Variants in TMEM266 observed in about 807,000 individuals in gnomAD.
The protein encoded by TMEM266 is Hv1 related protein 1.
A neutral mutation model predicts 50.5 loss-of-function variants in TMEM266; 33 were observed. The ratio of observed to expected loss-of-function variants is 0.65; its 90% CI spans 0.50 to 0.87. TMEM266 has a LOEUF of 0.87. Ranked by LOEUF, TMEM266 falls within the 40% of genes least tolerant of loss-of-function variation. The probability of loss-of-function intolerance (pLI) is 0.00; values close to 1 mark genes in which losing one functional copy is unlikely to be tolerated. For synonymous variants in TMEM266, 310 were observed against 292.3 expected (o/e 1.06, Z -0.62); for missense variants, 655 against 695.1 (o/e 0.94, Z 0.65).
chr15:76,138,222 CAAAAAAAAAAAAAA>C (rs376580547), intron 3 of TMEM266, among the ~76,000 whole-genome samples: 1 of 71,882 alleles, frequency 1.4e-5, no homozygotes, highest in Non-Finnish European at 2.7e-5. Context: ...AACTCTGTCT[CAAAAAAAAAAAAAA>C]AAAAAAAAAA....
At chr15:76,081,227 A>G (rs569652846) in intron 1 of TMEM266, among the ~76,000 whole-genome samples, 1 of 152,316 alleles carries the variant, frequency 6.6e-6, no homozygotes, top group African/African-American at 2.4e-5. Flanking sequence ...CTCCCATGCT[A>G]TTGACTATGG....
Position 76,171,142 on chromosome 15 carries a change from C to G in TMEM266, c.652+11C>G. Reference sequence around the variant, plus strand: ...AGAGGGTCATTGATGGTGAGTGGCCCGAGGGGGGTGTGGTCAGTGGGGCTG... The same window carrying G: ...AGAGGGTCATTGATGGTGAGTGGCCGGAGGGGGGTGTGGTCAGTGGGGCTG... On this transcript the variant is annotated intron_variant, in intron 7 of 10. Transcript: ENST00000388942. 1 of 1,612,660 alleles carries G rather than the reference C, an allele frequency of 6.2e-7. No individual in the cohort carries two copies. The highest frequency in any genetic ancestry group is 8.5e-7 in the Non-Finnish European group (1 of 1,179,196).
At chr15:76,106,829 T>C (rs1186356494) in intron 1 of TMEM266, among the ~76,000 whole-genome samples, 1 of 152,224 alleles carries the variant, frequency 6.6e-6, no homozygotes, top group Non-Finnish European at 1.5e-5. Context: ...CACATACTTA[T>C]TTTGTGTGTG....
In TMEM266 at chr15:76,161,768, T is replaced by G. The variant is rs2038021762; in HGVS notation, c.456+1600T>G. On this transcript the variant is annotated intron_variant, in intron 5 of 10. Transcript: ENST00000388942. The surrounding 1 kb of genome is among the most constrained non-coding windows in gnomAD (Gnocchi z 4.1). Reference sequence around the variant, plus strand: ...AGAGCAGAGTGCCTGCTCCCCAGCTTACAGCCCCCATGTGGGTCTTGCCCT... The same window carrying G: ...AGAGCAGAGTGCCTGCTCCCCAGCTGACAGCCCCCATGTGGGTCTTGCCCT... Among the ~76,000 whole-genome samples, 1 of 152,140 alleles carries G rather than the reference T, an allele frequency of 6.6e-6. No individual in the cohort carries two copies. Among genetic ancestry groups the G allele is most frequent in the Non-Finnish European group, 1.5e-5 (1 of 68,000 alleles).
intron 8 of TMEM266, among the ~76,000 whole-genome samples, chr15:76,179,041 A>C (rs1229633177): frequency 6.6e-6 from 1 of 152,194 alleles, no homozygotes; most frequent in South Asian, 2.1e-4. Flanking sequence ...TGACTGGGTA[A>C]CAGATACCCT....
intron 1 of TMEM266, among the ~76,000 whole-genome samples, chr15:76,104,992 G>T (rs1000266478): frequency 6.6e-6 from 1 of 152,172 alleles, no homozygotes; most frequent in African/African-American, 2.4e-5. Context: ...AGCTGAGGCG[G>T]GTGGATCACG....
intron 1 of TMEM266, among the ~76,000 whole-genome samples, chr15:76,103,425 A>C (rs1360769519): frequency 2.0e-5 from 3 of 151,108 alleles, no homozygotes; most frequent in Non-Finnish European, 4.4e-5. Flanking sequence ...GCTTGAGCCC[A>C]GGAGGTTAAG....
intron 1 of TMEM266, among the ~76,000 whole-genome samples, chr15:76,085,812 C>A (rs1242085538): frequency 6.6e-6 from 1 of 152,022 alleles, no homozygotes; most frequent in South Asian, 2.1e-4. Context: ...TTTGGGAGGC[C>A]GAGGTGGGCG....
chr15:76,070,104 C>T (rs113641806), intron 1 of TMEM266, among the ~76,000 whole-genome samples: 8 of 152,194 alleles, frequency 5.3e-5, no homozygotes, highest in African/African-American at 1.9e-4. Flanking sequence ...CTTAAATAGG[C>T]GGATATCTTA....
intron 1 of TMEM266, among the ~76,000 whole-genome samples, chr15:76,062,428 G>T (rs953031094): frequency 1.3e-5 from 2 of 152,104 alleles, no homozygotes; most frequent in Admixed American, 6.5e-5. Flanking sequence ...TTCTTGCCTC[G>T]TGGGAAACAC....
chr15:76,060,052 C>T (rs1357192114), intron 1 of TMEM266, 36 bp downstream of exon 1: 1 of 150,904 alleles, frequency 6.6e-6, no homozygotes, highest in African/African-American at 2.4e-5. Flanking sequence ...GCCAGAGCTT[C>T]CCCTGCCTCA....
chr15:76,149,440 C>T (rs1184745064), intron 3 of TMEM266, among the ~76,000 whole-genome samples: 2 of 152,210 alleles, frequency 1.3e-5, no homozygotes, highest in African/African-American at 4.8e-5. Flanking sequence ...ATATGAGAAC[C>T]ATGCCTGGAA....
At chr15:76,191,941 T>C in intron 8 of TMEM266, 27 bp from the exon 9 acceptor site, 1 of 1,555,802 alleles carries the variant, frequency 6.4e-7, no homozygotes, top group Non-Finnish European at 8.6e-7. Context: ...TCGCCGCTGA[T>C]TCAGCCTTGC....
intron 8 of TMEM266, among the ~76,000 whole-genome samples, chr15:76,181,858 TG>T (rs1434344002): frequency 6.6e-6 from 1 of 152,192 alleles, no homozygotes; most frequent in Non-Finnish European, 1.5e-5. Flanking sequence ...AAACACATTC[TG>T]AAGTCTCCGT....
chr15:76,073,601 T>C (rs2141985657), intron 1 of TMEM266, among the ~76,000 whole-genome samples: 1 of 152,310 alleles, frequency 6.6e-6, no homozygotes, highest in South Asian at 2.1e-4. Context: ...ACACAGTGAG[T>C]TGGCTTTACA....
At chr15:76,099,678 G>C (rs1283210800) in intron 1 of TMEM266, among the ~76,000 whole-genome samples, 1 of 152,180 alleles carries the variant, frequency 6.6e-6, no homozygotes, top group East Asian at 1.9e-4. Flanking sequence ...AGAATGTACG[G>C]GTGTGCTCTG....
rs2037874272 is a variant in TMEM266, at chr15:76,153,461, G to A, written c.228-3143G>A. ...CCCTTTTTATTCATAACCGCCTGAA[G>A]GTGCTTGGCTCAGATTTCAAATGAC... On this transcript the variant is annotated intron_variant, in intron 3 of 10. Transcript: ENST00000388942. The surrounding 1 kb of genome is among the most constrained non-coding windows in gnomAD (Gnocchi z 4.2). Among the ~76,000 whole-genome samples the A allele has an allele frequency of 6.6e-6, 1 of 152,214 alleles. No homozygotes were observed. The highest frequency in any genetic ancestry group is 2.4e-5 in the African/African-American group (1 of 41,454).
intron 7 of TMEM266, chr15:76,175,096 C>T (rs9920631): frequency 0.025 from 3,941 of 157,020 alleles, 155 homozygotes; most frequent in African/African-American, 0.09. Context: ...ACGGACAAAC[C>T]GTTTCCCTAA....
chr15:76,192,120 G>A lies in TMEM266; in HGVS notation c.921G>A (p.Ala307=), dbSNP rs894298372. 7.1e-7 allele frequency: 1 copy of A among 1,413,310 alleles called. No individual in the cohort carries two copies. Among genetic ancestry groups the A allele is most frequent in the Non-Finnish European group, 9.2e-7 (1 of 1,084,832 alleles). 87.5% of individuals were successfully genotyped at this position (1,413,310 alleles called of 1,614,324 possible). The change falls in exon 9 of 11, where the codon GCG becomes GCA. Residue 307 remains alanine, a synonymous_variant. Coordinates refer to ENST00000388942, the MANE Select transcript of TMEM266 (RefSeq NM_152335.3). ...CCGGCACGTGGGACGAGGAGACGGC[G>A]GCCGAGAGCGTCGTGGAGGAGCTGC...
Sources: allele counts gnomAD v4.1 joint callset (sites outside exome capture counted in the v4.1 genomes callset), GRCh38; gene constraint gnomAD v4.1.1; non-coding constraint Gnocchi (gnomAD v3.1); transcripts MANE v1.5; gene names NCBI Gene and HGNC (gene_info 2026-07-23, HGNC 2026-07-21).